Variants in KIDINS220 observed in about 807,000 individuals in gnomAD.
The protein encoded by KIDINS220 is kinase D-interacting substrate of 220 kDa.
In KIDINS220, 63 loss-of-function variants were observed where a neutral mutation model predicts 157.6. The ratio of observed to expected loss-of-function variants is 0.40; its 90% CI spans 0.33 to 0.49. The LOEUF (loss-of-function observed/expected upper bound fraction) is 0.49. Among genes scored for constraint, KIDINS220 ranks in the 20% least tolerant of loss-of-function variants. KIDINS220 has a pLI of 0.66. For synonymous variants in KIDINS220, 732 were observed against 783.6 expected (o/e 0.93, Z 1.10); for missense variants, 1,772 against 2,171.2 (o/e 0.82, Z 3.65).
At chr2:8,770,147 T>C (rs1390653197) in intron 22 of KIDINS220, among the ~76,000 whole-genome samples, 1 of 152,166 alleles carries the variant, frequency 6.6e-6, no homozygotes, top group Non-Finnish European at 1.5e-5. Context: ...TTCACGCCTG[T>C]AATCCCAGCA....
chr2:8,755,484 G>T (rs1667893803), intron 22 of KIDINS220, among the ~76,000 whole-genome samples: 1 of 152,178 alleles, frequency 6.6e-6, no homozygotes, highest in Non-Finnish European at 1.5e-5. Flanking sequence ...CAACACTGTT[G>T]TCCAATAAAT....
chr2:8,810,076 T>C (rs535667353), intron 6 of KIDINS220, among the ~76,000 whole-genome samples: 1 of 152,294 alleles, frequency 6.6e-6, no homozygotes, highest in South Asian at 2.1e-4. Flanking sequence ...TCATTTTCCC[T>C]GTGCCCAGTT....
In KIDINS220 at chr2:8,786,692, G is replaced by A. The variant is rs188548309; in HGVS notation, c.1788-335C>T. Among the ~76,000 whole-genome samples, 1,197 of 152,238 alleles carry A rather than the reference G, an allele frequency of 7.9e-3. 13 individuals are homozygous for A. The highest frequency in any genetic ancestry group is 0.012 in the Non-Finnish European group (817 of 68,010). ...AGATCTCACGACATAGTGGTTAAAA[G>A]GTGACACACGTGTCATGATGTGGCC... On this transcript the variant is annotated intron_variant, in intron 15 of 29. Transcript: ENST00000256707.
At chr2:8,796,389 T>C (rs1232055781) in intron 11 of KIDINS220, among the ~76,000 whole-genome samples, 1 of 152,196 alleles carries the variant, frequency 6.6e-6, no homozygotes, top group Non-Finnish European at 1.5e-5. Context: ...ACAAACACAT[T>C]GACTCCTGTC....
chr2:8,793,338 G>GA (rs956535547), intron 12 of KIDINS220, among the ~76,000 whole-genome samples: 8 of 151,872 alleles, frequency 5.3e-5, no homozygotes, highest in East Asian at 1.9e-4. Flanking sequence ...TACAAAAAAA[G>GA]AAAAAAAATC....
chr2:8,799,986 A>G (rs13010033), intron 9 of KIDINS220, among the ~76,000 whole-genome samples: 44,135 of 152,038 alleles, frequency 0.29, 6,592 homozygotes, highest in Middle Eastern at 0.34. Context: ...AAAAGGGAGA[A>G]GAAAATAAAA....
chr2:8,814,862 G>A (rs1676830651), intron 4 of KIDINS220, among the ~76,000 whole-genome samples: 1 of 152,018 alleles, frequency 6.6e-6, no homozygotes, highest in African/African-American at 2.4e-5. Context: ...AAAGCACATC[G>A]CCTCTGGGAC....
chr2:8,765,970 C>T (rs915800186), intron 22 of KIDINS220, among the ~76,000 whole-genome samples: 5 of 152,130 alleles, frequency 3.3e-5, no homozygotes, highest in South Asian at 2.1e-4. Flanking sequence ...CCCTTCCCAC[C>T]GTGAGAGTCT....
At chr2:8,738,784 A>G (rs1255706240) in intron 26 of KIDINS220, among the ~76,000 whole-genome samples, 1 of 152,238 alleles carries the variant, frequency 6.6e-6, no homozygotes, top group Non-Finnish European at 1.5e-5. Flanking sequence ...CATTTGTGGA[A>G]AAGCTGGTGA....
intron 4 of KIDINS220, among the ~76,000 whole-genome samples, chr2:8,815,386 G>A (rs1443508250): frequency 1.5e-5 from 2 of 135,832 alleles, no homozygotes; most frequent in Non-Finnish European, 3.1e-5. Flanking sequence ...GGGTGACAGA[G>A]ACCCTGTCTC....
At chr2:8,815,843 C>T (rs1293493349) in intron 4 of KIDINS220, among the ~76,000 whole-genome samples, 2 of 152,110 alleles carry the variant, frequency 1.3e-5, no homozygotes, top group African/African-American at 4.8e-5. Context: ...CAGTAGAAGT[C>T]CTCACAGGAA....
intron 2 of KIDINS220, among the ~76,000 whole-genome samples, chr2:8,821,715 G>C (rs561829171): frequency 6.6e-6 from 1 of 152,082 alleles, no homozygotes; most frequent in Non-Finnish European, 1.5e-5. Flanking sequence ...TTGTAGCTAC[G>C]CTATCCAAAA....
In KIDINS220 at chr2:8,805,104, G is replaced by A. The variant is rs543675104; in HGVS notation, c.603+1167C>T. Among the ~76,000 whole-genome samples the A allele has an allele frequency of 1.4e-4, 21 of 152,300 alleles. No individual in the cohort carries two copies. In the South Asian group the frequency reaches 3.7e-3, roughly 27 times the overall value. ...TATTTTAAAGGATAGAAATGAGCAG[G>A]CAGATGAAGATACACATAGGATGAG... is the stretch of plus-strand genomic sequence containing the variant. On this transcript the variant is annotated intron_variant, in intron 7 of 29. Coordinates refer to ENST00000256707, the MANE Select transcript of KIDINS220 (RefSeq NM_020738.4).
chr2:8,808,498 C>T (rs1317721690), intron 6 of KIDINS220, among the ~76,000 whole-genome samples: 17 of 152,326 alleles, frequency 1.1e-4, no homozygotes, highest in African/African-American at 4.1e-4. Context: ...TTACCCACTC[C>T]CATTAGGGAG....
intron 24 of KIDINS220, 135 bp downstream of exon 24, chr2:8,749,977 T>G: frequency 1.5e-6 from 1 of 683,218 alleles, no homozygotes; most frequent in East Asian, 2.7e-5. Flanking sequence ...GTCCTATATT[T>G]TACATTCAAA....
intron 23 of KIDINS220, among the ~76,000 whole-genome samples, chr2:8,750,541 G>A (rs1667206314): frequency 6.6e-6 from 1 of 152,040 alleles, no homozygotes; most frequent in African/African-American, 2.4e-5. Context: ...TTGCAAAAAA[G>A]CATTTTCACC....
In KIDINS220 at chr2:8,798,294, T is replaced by A. The variant is rs750819446; in HGVS notation, c.907A>T (p.Lys303Ter). The A allele has an allele frequency of 2.5e-6, 4 of 1,583,294 alleles. No individual in the cohort carries two copies. Among genetic ancestry groups the A allele is most frequent in the African/African-American group, 1.3e-5 (1 of 74,292 alleles). Reference sequence around the variant, plus strand: ...TCAACAGCCCAATACAAAGCAGTTTTATTATCCTAGATAATTAAAAAAAAC... The same window carrying A: ...TCAACAGCCCAATACAAAGCAGTTTAATTATCCTAGATAATTAAAAAAAAC... The part of the protein sequence containing the change: ...ADIDIRGQDN[K>*]TALYWAVEKG... Residue 303 changes from lysine (K) to a stop codon, truncating the protein, a stop_gained, in exon 10 of 30, where the codon AAA becomes TAA. Transcript: ENST00000256707. LOFTEE classifies it high-confidence loss of function.
intron 6 of KIDINS220, among the ~76,000 whole-genome samples, chr2:8,809,273 G>A (rs1042133751): frequency 6.6e-6 from 1 of 151,890 alleles, no homozygotes; most frequent in Non-Finnish European, 1.5e-5. Context: ...CACCTGCCTC[G>A]GCCTCCCAAA....
intron 23 of KIDINS220, 45 bp from the exon 24 acceptor site, chr2:8,750,380 A>G (rs1667185912): frequency 5.2e-6 from 7 of 1,340,264 alleles, no homozygotes; most frequent in Non-Finnish European, 6.0e-6. Flanking sequence ...AAAACAGGAC[A>G]TTAGGAATCA....
Sources: gnomAD v4.1 joint callset for allele counts (sites outside exome capture counted in the v4.1 genomes callset) on GRCh38, gnomAD v4.1.1 for gene constraint, MANE v1.5 for transcripts, NCBI Gene and HGNC (gene_info 2026-07-23, HGNC 2026-07-21) for gene names.